The following TLK1 variants were observed in gnomAD, a reference collection of about 807,000 sequenced individuals.
TLK1 encodes serine/threonine-protein kinase tousled-like 1.
In TLK1, 24 loss-of-function variants were observed where a neutral mutation model predicts 105.3. The ratio of observed to expected loss-of-function variants is 0.23; its 90% CI spans 0.17 to 0.32. The LOEUF (loss-of-function observed/expected upper bound fraction) is 0.32, where lower values mean the gene tolerates loss of function less well. Ranked by LOEUF, TLK1 falls within the 10% of genes least tolerant of loss-of-function variation. TLK1 has a pLI of 1.00. For missense variants in TLK1, 558 were observed against 910.5 expected (o/e 0.61, Z 4.98); for synonymous variants, 321 against 310.4 (o/e 1.03, Z -0.36).
chr2:170,994,915 A>C (rs1683981919), intron 20 of TLK1, among the ~76,000 whole-genome samples: 3 of 152,158 alleles, frequency 2.0e-5, no homozygotes, highest in African/African-American at 2.4e-5. Context: ...TCCCTTTCTT[A>C]ATGCTGACAC....
rs1261115964 is a variant in TLK1 at position 171,160,040 on chromosome 2, G to A, written c.139+250C>T. Among the ~76,000 whole-genome samples, 4 of 152,112 alleles carry A rather than the reference G, an allele frequency of 2.6e-5. No homozygotes were observed. The highest frequency in any genetic ancestry group is 5.9e-5 in the Non-Finnish European group (4 of 67,984). ...CCAGGAACCCCAGGCGAGTCTATGCGCCTCGCCCCGTCCCCACCAGCGCGC... is the reference window on the plus strand; with the variant it reads ...CCAGGAACCCCAGGCGAGTCTATGCACCTCGCCCCGTCCCCACCAGCGCGC... On this transcript the variant is annotated intron_variant, in intron 1 of 20. Transcript: ENST00000431350. The surrounding 1 kb of genome is among the most constrained non-coding windows in gnomAD (Gnocchi z 4.4).
intron 3 of TLK1, among the ~76,000 whole-genome samples, chr2:171,067,570 G>A (rs1212003629): frequency 6.6e-6 from 1 of 152,068 alleles, no homozygotes; most frequent in African/African-American, 2.4e-5. Flanking sequence ...TTTGAGATGT[G>A]ATGGGTAAAA....
At chr2:171,104,964 G>A (rs1326010654) in intron 2 of TLK1, among the ~76,000 whole-genome samples, 1 of 152,170 alleles carries the variant, frequency 6.6e-6, no homozygotes, top group Non-Finnish European at 1.5e-5. Context: ...GCAGAAAAAT[G>A]AAACTAGCCC....
intron 3 of TLK1, among the ~76,000 whole-genome samples, chr2:171,077,955 G>A (rs552636824): frequency 3.9e-5 from 6 of 151,992 alleles, no homozygotes; most frequent in Non-Finnish European, 5.9e-5. Flanking sequence ...AGAATCGCAG[G>A]GGACCCCTAG....
intron 1 of TLK1, among the ~76,000 whole-genome samples, chr2:171,166,319 C>A (rs560510349): frequency 6.6e-6 from 1 of 152,350 alleles, no homozygotes; most frequent in African/African-American, 2.4e-5. Flanking sequence ...ACCTGCCTGG[C>A]ATACAGTTGT....
chr2:171,121,881 T>G (rs1690668792), intron 1 of TLK1, among the ~76,000 whole-genome samples: 1 of 152,194 alleles, frequency 6.6e-6, no homozygotes, highest in Admixed American at 6.5e-5. Flanking sequence ...CAAGAACAAA[T>G]GGGTTTCTAA....
At chr2:171,006,720 ATT>A (rs749908384) in intron 16 of TLK1, 77 bp from the exon 17 acceptor site, 2 of 1,592,866 alleles carry the variant, frequency 1.3e-6, no homozygotes, top group South Asian at 2.2e-5. Context: ...AATGGAGAGT[ATT>A]TATATCATCA....
chr2:171,004,256 T>C (rs1483857307), intron 18 of TLK1, among the ~76,000 whole-genome samples: 2 of 152,088 alleles, frequency 1.3e-5, no homozygotes, highest in Non-Finnish European at 2.9e-5. Flanking sequence ...AGCCACCGTG[T>C]CCAGCCAATT....
rs1157897395 is a variant in TLK1, at chr2:171,095,342, T to A, written c.259-12490A>T. 2.6e-5 allele frequency among the ~76,000 whole-genome samples: 4 copies of A among 151,428 alleles called. No individual in the cohort carries two copies. In the East Asian group the frequency reaches 7.7e-4, roughly 29 times the overall value. Reference sequence around the variant, plus strand: ...AAAAACAATGAAACCAAAAGTTGGATCCTTGAAAACAAAATTGACAAATCT... The same window carrying A: ...AAAAACAATGAAACCAAAAGTTGGAACCTTGAAAACAAAATTGACAAATCT... On this transcript the variant is annotated intron_variant, in intron 2 of 20. Coordinates refer to ENST00000431350, the MANE Select transcript of TLK1 (RefSeq NM_012290.5).
chr2:171,180,240 C>A (rs1692905672), intron 1 of TLK1, among the ~76,000 whole-genome samples: 1 of 151,956 alleles, frequency 6.6e-6, no homozygotes, highest in Non-Finnish European at 1.5e-5. Context: ...AAAATTGCCC[C>A]CCGGGTCCCT....
chr2:171,106,847 C>T (rs1400563977), intron 2 of TLK1, among the ~76,000 whole-genome samples: 6 of 152,204 alleles, frequency 3.9e-5, no homozygotes, highest in African/African-American at 1.4e-4. Flanking sequence ...AAAATTACAA[C>T]TTAAAAGACA....
chr2:171,012,814 T>C (rs140515918), intron 13 of TLK1, among the ~76,000 whole-genome samples: 89 of 152,214 alleles, frequency 5.8e-4, no homozygotes, highest in African/African-American at 1.8e-3. Context: ...TCAAGATCAA[T>C]TGACTCTAGA....
chr2:171,168,392 AT>A (rs1167013354), intron 1 of TLK1, among the ~76,000 whole-genome samples: 4 of 152,356 alleles, frequency 2.6e-5, no homozygotes, highest in Admixed American at 1.3e-4. Flanking sequence ...AAATAAAAAA[AT>A]AAACAGTCAA....
chr2:171,160,848 G>GGCA lies in TLK1; in HGVS notation c.-421_-420insTGC, dbSNP rs1467011774. The GGCA allele has an allele frequency of 6.2e-6, 2 of 320,514 alleles. No homozygotes were observed. Among genetic ancestry groups the GGCA allele is most frequent in the Admixed American group, 5.0e-5 (1 of 19,902 alleles). 19.9% of individuals were successfully genotyped at this position (320,514 alleles called of 1,614,324 possible). The stretch of plus-strand genomic sequence containing the variant: ...CCCCCGGCGTCGCCCGGGAGGCGGC[G>GGCA]GCGGCGGGCTGTGGGTGGCGGCTGA... On this transcript the variant is annotated 5_prime_UTR_variant, in exon 1 of 21. Coordinates refer to ENST00000431350, the MANE Select transcript of TLK1 (RefSeq NM_012290.5). The surrounding 1 kb of genome is among the most constrained non-coding windows in gnomAD (Gnocchi z 4.4).
intron 12 of TLK1, among the ~76,000 whole-genome samples, chr2:171,019,759 A>G (rs916356008): frequency 4.6e-5 from 7 of 152,172 alleles, no homozygotes; most frequent in African/African-American, 1.4e-4. Context: ...ACCGGTTCAG[A>G]ATGAGGTTTT....
chr2:171,182,930 AAAAAAAAAG>A lies in TLK1; in HGVS notation c.-6+48206_-6+48214del, dbSNP rs1301892265. On this transcript the variant is annotated intron_variant, in intron 1 of 20. Coordinates refer to the TLK1 transcript ENST00000521943. The stretch of plus-strand genomic sequence containing the variant: ...GGTCAAAACCCTGACTCCAAAAAAA[AAAAAAAAAG>A]AAAGAAAGAAAGAAAGAAAGAAAGA... Among the ~76,000 whole-genome samples the A allele has an allele frequency of 3.7e-4, 55 of 149,776 alleles. No individual in the cohort carries two copies. The South Asian group carries it at 0.012, about 31-fold the overall frequency.
intron 3 of TLK1, among the ~76,000 whole-genome samples, chr2:171,070,518 A>C (rs1431424545): frequency 3.3e-5 from 5 of 152,176 alleles, no homozygotes; most frequent in African/African-American, 9.7e-5. Context: ...ATAAGTGAGA[A>C]CATGTGAAGT....
At chr2:171,225,655 A>T (rs748805852) in intron 1 of TLK1, among the ~76,000 whole-genome samples, 2 of 152,110 alleles carry the variant, frequency 1.3e-5, no homozygotes, top group Non-Finnish European at 2.9e-5. Flanking sequence ...ACAAAAAAAA[A>T]CCCTAACGTT....
chr2:171,180,129 G>C (rs1309528788), intron 1 of TLK1, among the ~76,000 whole-genome samples: 2 of 151,326 alleles, frequency 1.3e-5, no homozygotes, highest in Non-Finnish European at 2.9e-5. Context: ...AGCCAGGCAT[G>C]GGGGTGGACG....
Sources: allele counts gnomAD v4.1 joint callset (sites outside exome capture counted in the v4.1 genomes callset), GRCh38; gene constraint gnomAD v4.1.1; non-coding constraint Gnocchi (gnomAD v3.1); transcripts MANE v1.5; gene names NCBI Gene and HGNC (gene_info 2026-07-23, HGNC 2026-07-21).